Variants in LRRC27 observed in about 807,000 individuals in gnomAD.
LRRC27 encodes the protein leucine rich repeat containing 27.
Under a neutral mutation model 55.0 loss-of-function variants are expected in LRRC27, and 57 were observed. That is an observed-to-expected ratio of 1.04 (90% CI 0.84 to 1.29). The LOEUF (loss-of-function observed/expected upper bound fraction) is 1.29, where lower values mean the gene tolerates loss of function less well. LRRC27 is among the 50% of genes most tolerant of loss of function. LRRC27 has a pLI of 0.00. For missense variants in LRRC27, 721 were observed against 651.5 expected (o/e 1.11, Z -1.16); for synonymous variants, 278 against 251.9 (o/e 1.10, Z -0.98).
At chr10:132,351,906 G>A (rs561344591) in intron 7 of LRRC27, among the ~76,000 whole-genome samples, 153 bp downstream of exon 7, 30 of 152,258 alleles carry the variant, frequency 2.0e-4, no homozygotes, top group African/African-American at 3.4e-4. Flanking sequence ...TCACCTGGAA[G>A]CCGAGCTGCA....
At position 132,337,650 on chromosome 10, in the gene LRRC27, G is replaced by T. The variant is rs111636010; in HGVS notation, c.296G>T (p.Arg99Leu). 5.0e-6 allele frequency: 8 copies of T among 1,614,010 alleles called. No individual in the cohort carries two copies. In the African/African-American group the frequency reaches 9.3e-5, roughly 19 times the overall value. Residue 99 changes from arginine to leucine, a missense_variant, in exon 3 of 11, where the codon CGG (arginine) becomes CTG (leucine). Coordinates refer to ENST00000368614, the MANE Select transcript of LRRC27 (RefSeq NM_030626.3). ...LLPNLTWLDL[R>L]YNRIKALPSG... ...CCGAACCTGACTTGGCTGGACCTCC[G>T]GTACAATAGAATTAAAGCGCTTCCT...
intron 2 of LRRC27, among the ~76,000 whole-genome samples, chr10:132,335,906 T>C (rs781243569): frequency 1.3e-5 from 2 of 152,154 alleles, no homozygotes; most frequent in Non-Finnish European, 2.9e-5. Flanking sequence ...AGACTAATCT[T>C]CTTTGGTTTG....
rs1255820664 is a variant in LRRC27 at position 132,380,349 on chromosome 10, C to T, written c.*5107C>T. 1.3e-5 allele frequency among the ~76,000 whole-genome samples: 2 copies of T among 151,996 alleles called. No individual in the cohort carries two copies. The highest frequency in any genetic ancestry group is 2.9e-5 in the Non-Finnish European group (2 of 68,018). ...ATAACTGCATGAAATTAACTGCAGTCCACAGTGTGCTGCTGGAATAATTAC... is the reference window on the plus strand; with the variant it reads ...ATAACTGCATGAAATTAACTGCAGTTCACAGTGTGCTGCTGGAATAATTAC... On this transcript the variant is annotated 3_prime_UTR_variant, in exon 11 of 11. Coordinates refer to ENST00000368614, the MANE Select transcript of LRRC27 (RefSeq NM_030626.3).
At chr10:132,355,055 C>T (rs1232305348) in intron 7 of LRRC27, among the ~76,000 whole-genome samples, 1 of 152,178 alleles carries the variant, frequency 6.6e-6, no homozygotes, top group Non-Finnish European at 1.5e-5. Context: ...ACTGCGGAGG[C>T]CCGAAGACGC....
intron 2 of LRRC27, among the ~76,000 whole-genome samples, chr10:132,335,936 T>TG (rs1311576795): frequency 6.6e-6 from 1 of 151,948 alleles, no homozygotes; most frequent in Non-Finnish European, 1.5e-5. Flanking sequence ...AACTAAGGGG[T>TG]GGGGAATGGC....
upstream of LRRC27, chr10:132,331,847 G>A (rs756265176): frequency 3.4e-6 from 5 of 1,476,152 alleles, no homozygotes; most frequent in African/African-American, 1.4e-5. Flanking sequence ...CGGAAAAACG[G>A]ATGCTACCGT....
At chr10:132,342,827 T>G (rs1179273449) in intron 4 of LRRC27, among the ~76,000 whole-genome samples, 1 of 152,194 alleles carries the variant, frequency 6.6e-6, no homozygotes, top group Admixed American at 6.5e-5. Flanking sequence ...GCATTTCTAT[T>G]ATGAACTTGA....
At chr10:132,339,910 TTTTA>T (rs1201272345) in intron 3 of LRRC27, among the ~76,000 whole-genome samples, 1 of 152,256 alleles carries the variant, frequency 6.6e-6, no homozygotes, top group Non-Finnish European at 1.5e-5. Context: ...GGAGGTATAC[TTTTA>T]TTTGTGATTT....
chr10:132,358,496 G>C (rs1444156013), intron 8 of LRRC27, among the ~76,000 whole-genome samples: 6 of 68,434 alleles, frequency 8.8e-5, no homozygotes, highest in Admixed American at 1.5e-4. Flanking sequence ...AGGAGCCGAG[G>C]TGGTGGAGCA....
At chr10:132,353,382 A>T in intron 7 of LRRC27, 1 of 1,038,044 alleles carries the variant, frequency 9.6e-7, no homozygotes, top group Non-Finnish European at 1.2e-6. Flanking sequence ...ACATGAATAA[A>T]CCCTCCTGAA....
intron 6 of LRRC27, among the ~76,000 whole-genome samples, chr10:132,349,742 G>A (rs929221125): frequency 1.3e-5 from 2 of 152,186 alleles, no homozygotes; most frequent in Non-Finnish European, 2.9e-5. Context: ...TGGGAAGTTG[G>A]AGCAGAGAAC....
At chr10:132,353,833 G>A (rs1415080019) in intron 7 of LRRC27, among the ~76,000 whole-genome samples, 3 of 152,198 alleles carry the variant, frequency 2.0e-5, no homozygotes, top group Non-Finnish European at 2.9e-5. Context: ...CCCCAGGACC[G>A]GCCCCGCCTG....
intron 10 of LRRC27, among the ~76,000 whole-genome samples, chr10:132,369,317 A>G (rs1476156694): frequency 1.3e-5 from 2 of 152,260 alleles, no homozygotes; most frequent in Non-Finnish European, 2.9e-5. Flanking sequence ...AAACCTGCAC[A>G]CAGACATAGC....
At chr10:132,361,341 G>A in intron 8 of LRRC27, 116 bp from the exon 9 acceptor site, 2 of 860,642 alleles carry the variant, frequency 2.3e-6, no homozygotes, top group Non-Finnish European at 3.9e-6. Flanking sequence ...ACCCGGGGCG[G>A]CCTCGGACCC....
At chr10:132,330,430 C>G (rs2066633484), upstream of LRRC27, 1 of 717,296 alleles carries the variant, frequency 1.4e-6, no homozygotes, top group Non-Finnish European at 2.6e-6. Flanking sequence ...CTTGCTCTGC[C>G]CGGGTGGCTG....
intron 3 of LRRC27, among the ~76,000 whole-genome samples, chr10:132,341,147 T>G (rs929792079): frequency 6.6e-6 from 1 of 151,274 alleles, no homozygotes; most frequent in African/African-American, 2.4e-5. Context: ...AATACCAACA[T>G]TAGCCAGGCA....
Position 132,376,537 on chromosome 10 carries a change from C to T in LRRC27, c.*1295C>T, listed in dbSNP as rs2069340400. 6.6e-6 allele frequency: 1 copy of T among 152,356 alleles called. No individual in the cohort carries two copies. Among genetic ancestry groups the T allele is most frequent in the African/African-American group, 2.4e-5 (1 of 41,470 alleles). 9.4% of individuals were successfully genotyped at this position (152,356 alleles called of 1,614,324 possible). Reference sequence around the variant, plus strand: ...GCCGGCGTTGCTGGTCAGGGTCTCCCGTGAGGCTGGAGTCAGCCGTGGGTT... The same window carrying T: ...GCCGGCGTTGCTGGTCAGGGTCTCCTGTGAGGCTGGAGTCAGCCGTGGGTT... On this transcript the variant is annotated 3_prime_UTR_variant, in exon 11 of 11. Coordinates refer to ENST00000368614, the MANE Select transcript of LRRC27 (RefSeq NM_030626.3).
At chr10:132,342,141 T>TTGA in intron 3 of LRRC27, 72 bp from the exon 4 acceptor site, 1 of 947,906 alleles carries the variant, frequency 1.1e-6, no homozygotes, top group East Asian at 2.6e-5. Flanking sequence ...ATGAAGAAAC[T>TTGA]TGATGGTATA....
intron 10 of LRRC27, among the ~76,000 whole-genome samples, chr10:132,367,180 G>A (rs1245242594): frequency 6.6e-6 from 1 of 152,168 alleles, no homozygotes; most frequent in Non-Finnish European, 1.5e-5. Context: ...TCCCTTGAAA[G>A]ACAACATCTG....
Sources: allele counts gnomAD v4.1 joint callset (sites outside exome capture counted in the v4.1 genomes callset), GRCh38; gene constraint gnomAD v4.1.1; transcripts MANE v1.5; gene names NCBI Gene and HGNC (gene_info 2026-07-23, HGNC 2026-07-21).